The following NTM variants were observed in gnomAD, a reference collection of about 807,000 sequenced individuals.
NTM encodes IgLON family member 2.
In NTM, 13 loss-of-function variants were observed where a neutral mutation model predicts 42.1. The ratio of observed to expected loss-of-function variants is 0.31; its 90% confidence interval spans 0.20 to 0.49. The LOEUF is 0.49. Ranked by LOEUF, NTM falls within the 20% of genes least tolerant of loss-of-function variation. NTM has a pLI of 0.99. For missense variants in NTM, 373 were observed against 452.8 expected, an observed-to-expected ratio of 0.82 and a Z score of 1.60; for synonymous variants, 187 against 179.2, an observed-to-expected ratio of 1.04 and a Z score of -0.35.
intron 1 of NTM, among the ~76,000 whole-genome samples, chr11:131,605,478 A>G (rs1048263192): frequency 7.9e-5 from 12 of 152,154 alleles, no homozygotes; most frequent in African/African-American, 2.9e-4. Context: ...TCTTCTCTGT[A>G]TGGGATTATG....
chr11:131,460,157 A>C (rs1366955376), intron 1 of NTM, among the ~76,000 whole-genome samples: 2 of 152,216 alleles, frequency 1.3e-5, no homozygotes, highest in Non-Finnish European at 2.9e-5. Context: ...AGGGATTCAT[A>C]GACAGCGTAA....
At chr11:131,516,863 C>T (rs534385321) in intron 1 of NTM, among the ~76,000 whole-genome samples, 146 of 152,276 alleles carry the variant, frequency 9.6e-4, no homozygotes, top group African/African-American at 3.5e-3. Context: ...TTTGTGCATC[C>T]TCTTGGGCTC....
At chr11:131,535,735 A>C (rs958885111) in intron 1 of NTM, 2 of 152,144 alleles carry the variant, frequency 1.3e-5, no homozygotes, top group African/African-American at 4.8e-5. Flanking sequence ...TGCCTCCCTC[A>C]TGGGACCACA....
chr11:131,679,763 C>G (rs2072094980), intron 1 of NTM, among the ~76,000 whole-genome samples: 3 of 152,038 alleles, frequency 2.0e-5, no homozygotes, highest in Admixed American at 2.0e-4. Flanking sequence ...ACAGATAATA[C>G]TGACTTGGAA....
intron 2 of NTM, among the ~76,000 whole-genome samples, chr11:132,118,139 G>A (rs944594850): frequency 4.6e-5 from 7 of 152,084 alleles, no homozygotes; most frequent in South Asian, 2.1e-4. Flanking sequence ...CTAATTAAGC[G>A]GTAGCTTCAA....
At chr11:131,440,885 T>G (rs1477627758) in intron 1 of NTM, among the ~76,000 whole-genome samples, 1 of 136,346 alleles carries the variant, frequency 7.3e-6, no homozygotes, top group Non-Finnish European at 1.5e-5. Flanking sequence ...TGTCTGGGGG[T>G]TTGCAGCCTG....
intron 2 of NTM, among the ~76,000 whole-genome samples, chr11:132,044,818 AGACTG>A: frequency 6.6e-6 from 1 of 152,174 alleles, no homozygotes; most frequent in Non-Finnish European, 1.5e-5. Flanking sequence ...CACCCTCCCG[AGACTG>A]AACCAGGAAG....
At chr11:132,328,149 A>C (rs929288210) in intron 7 of NTM, among the ~76,000 whole-genome samples, 1 of 152,176 alleles carries the variant, frequency 6.6e-6, no homozygotes, top group African/African-American at 2.4e-5. Flanking sequence ...CAGTGCCAGC[A>C]TGTGCACCTT....
At chr11:131,497,574 C>T (rs976923892) in intron 1 of NTM, among the ~76,000 whole-genome samples, 1 of 152,158 alleles carries the variant, frequency 6.6e-6, no homozygotes, top group African/African-American at 2.4e-5. Context: ...TTAAAAAGTG[C>T]CTGTGGGCAG....
chr11:132,030,255 T>C (rs1165043434), intron 2 of NTM, among the ~76,000 whole-genome samples: 1 of 152,122 alleles, frequency 6.6e-6, no homozygotes, highest in African/African-American at 2.4e-5. Context: ...CCACCTAAAA[T>C]AAAATTAAAT....
intron 2 of NTM, among the ~76,000 whole-genome samples, chr11:132,045,779 C>A (rs1009124636): frequency 6.6e-6 from 1 of 152,122 alleles, no homozygotes; most frequent in Non-Finnish European, 1.5e-5. Flanking sequence ...TGGGACATGG[C>A]AGCCATATAT....
chr11:131,559,711 G>A (rs538693470), intron 1 of NTM, among the ~76,000 whole-genome samples: 46 of 152,324 alleles, frequency 3.0e-4, no homozygotes, highest in African/African-American at 9.9e-4. Flanking sequence ...GGCTAGTGGA[G>A]CAACCTTGAC....
At chr11:132,004,233 A>T (rs1593612010) in intron 2 of NTM, among the ~76,000 whole-genome samples, 1 of 152,206 alleles carries the variant, frequency 6.6e-6, no homozygotes, top group East Asian at 1.9e-4. Flanking sequence ...TTTCTAGGCT[A>T]TTCTCAATAA....
At chr11:132,256,622 C>T (rs1338117267) in intron 4 of NTM, among the ~76,000 whole-genome samples, 3 of 151,200 alleles carry the variant, frequency 2.0e-5, no homozygotes, top group Admixed American at 1.3e-4. Context: ...CTGGCTCTCG[C>T]TCTGTTGGTT....
At chr11:132,195,803 C>T (rs978664238) in intron 3 of NTM, among the ~76,000 whole-genome samples, 1 of 152,148 alleles carries the variant, frequency 6.6e-6, no homozygotes, top group Non-Finnish European at 1.5e-5. Flanking sequence ...CAAAATTTAA[C>T]TCAAGATGGA....
chr11:131,968,114 A>G (rs1260025733), intron 2 of NTM, among the ~76,000 whole-genome samples: 1 of 152,214 alleles, frequency 6.6e-6, no homozygotes, highest in African/African-American at 2.4e-5. Flanking sequence ...TCACCTTTAT[A>G]CAATTATCAC....
intron 1 of NTM, among the ~76,000 whole-genome samples, chr11:131,437,033 G>A (rs11512668): frequency 0.12 from 18,616 of 152,024 alleles, 1,460 homozygotes; most frequent in South Asian, 0.18. Context: ...GCTTCATTTC[G>A]TTATTTTACA....
intron 4 of NTM, among the ~76,000 whole-genome samples, chr11:132,255,882 G>A (rs2139447515): frequency 6.6e-6 from 1 of 152,152 alleles, no homozygotes; most frequent in Admixed American, 6.5e-5. Flanking sequence ...CCAGGAAGCT[G>A]GTCTCGGTTG....
intron 1 of NTM, among the ~76,000 whole-genome samples, chr11:131,487,743 G>C (rs1221393004): frequency 6.7e-6 from 1 of 149,874 alleles, no homozygotes; most frequent in Non-Finnish European, 1.5e-5. Flanking sequence ...TAAAGAAAAA[G>C]GGGGAAGGGA....
Sources: allele counts gnomAD v4.1 joint callset (sites outside exome capture counted in the v4.1 genomes callset), GRCh38; gene constraint gnomAD v4.1.1; transcripts MANE v1.5; gene names NCBI Gene and HGNC (gene_info 2026-07-23, HGNC 2026-07-21).